Variants in NEO1 observed in about 807,000 individuals in gnomAD.
The protein encoded by NEO1 is neogenin 1.
In NEO1, 63 loss-of-function variants were observed where a neutral mutation model predicts 159.7. The ratio of observed to expected loss-of-function variants is 0.39; its 90% CI spans 0.32 to 0.49. The LOEUF is 0.49. NEO1 is among the 20% of genes least tolerant of loss of function. NEO1 has a pLI of 0.85. For missense variants in NEO1, 1,615 were observed against 1,831.0 expected, an observed-to-expected ratio of 0.88 and a Z score of 2.15; for synonymous variants, 633 against 662.0, an observed-to-expected ratio of 0.96 and a Z score of 0.67.
At chr15:73,072,175 T>G (rs1240730773) in intron 1 of NEO1, among the ~76,000 whole-genome samples, 3 of 152,114 alleles carry the variant, frequency 2.0e-5, no homozygotes, top group Admixed American at 1.3e-4. Flanking sequence ...GGTCTTGAAC[T>G]CCTGACCTCA....
At chr15:73,184,161 A>G (rs1382477768) in intron 7 of NEO1, among the ~76,000 whole-genome samples, 4 of 151,682 alleles carry the variant, frequency 2.6e-5, no homozygotes, top group African/African-American at 9.7e-5. Context: ...TAATTAATTA[A>G]TTAATTTTTT....
At chr15:73,129,720 A>T (rs989010536) in intron 4 of NEO1, among the ~76,000 whole-genome samples, 5 of 152,234 alleles carry the variant, frequency 3.3e-5, no homozygotes, top group African/African-American at 1.2e-4. Context: ...GGAATGATAG[A>T]TCTGAACCCC....
At chr15:73,228,403 T>C (rs2038713489) in intron 7 of NEO1, among the ~76,000 whole-genome samples, 1 of 152,118 alleles carries the variant, frequency 6.6e-6, no homozygotes, top group Admixed American at 6.5e-5. Context: ...TTGCCTTTTT[T>C]TTTTTAACTT....
intron 13 of NEO1, among the ~76,000 whole-genome samples, chr15:73,256,870 C>T (rs2040379357): frequency 6.6e-6 from 1 of 152,032 alleles, no homozygotes; most frequent in South Asian, 2.1e-4. Context: ...AGGCGGATTC[C>T]TTGAGCCCAA....
rs757162255 is a variant in NEO1 at position 73,178,307 on chromosome 15, A to G, written c.1171A>G (p.Lys391Glu). The change falls in exon 7 of 29, where the codon AAG becomes GAG. Residue 391 changes from lysine to glutamate, a missense_variant and splice_region_variant. Physicochemically the swap from Lys to Glu is moderately conservative, Grantham distance 56. This residue lies in a region of NEO1 where 1,018 missense variants were observed against 1,115.4 expected (regional missense o/e 0.91). Transcript: ENST00000261908. ...VIPSDYFKIV[K>E]EHNLQVLGLV... ...TTTTATTTATGCTTTTCTTCTTCAG[A>G]AGGAACATAATCTTCAAGTTTTGGG... 2.5e-6 allele frequency: 4 copies of G among 1,610,658 alleles called. No individual in the cohort carries two copies. The highest frequency in any genetic ancestry group is 2.5e-6 in the Non-Finnish European group (3 of 1,177,926).
chr15:73,198,294 T>C (rs754864326), intron 7 of NEO1, among the ~76,000 whole-genome samples: 2 of 152,208 alleles, frequency 1.3e-5, no homozygotes, highest in Non-Finnish European at 2.9e-5. Context: ...AACTATATTC[T>C]CTGGGCTATA....
intron 4 of NEO1, among the ~76,000 whole-genome samples, chr15:73,132,117 T>C (rs1017513400): frequency 6.6e-6 from 1 of 152,234 alleles, no homozygotes; most frequent in African/African-American, 2.4e-5. Flanking sequence ...GCACTGATTG[T>C]GTTTTTGCTC....
intron 1 of NEO1, among the ~76,000 whole-genome samples, chr15:73,086,954 C>G (rs1595941747): frequency 1.3e-5 from 2 of 152,210 alleles, no homozygotes; most frequent in Middle Eastern, 6.8e-3. Context: ...CCGCGCCTAG[C>G]CAGAAACAAT....
intron 13 of NEO1, among the ~76,000 whole-genome samples, 168 bp from the exon 14 acceptor site, chr15:73,258,598 A>G (rs1408224321): frequency 6.6e-6 from 1 of 152,040 alleles, no homozygotes; most frequent in Non-Finnish European, 1.5e-5. Flanking sequence ...GATGGAAGCT[A>G]CTCTATGTTG....
chr15:73,276,498 C>G (rs1417163729), intron 21 of NEO1, among the ~76,000 whole-genome samples: 1 of 152,150 alleles, frequency 6.6e-6, no homozygotes, highest in South Asian at 2.1e-4. Context: ...GTGTGTGTCA[C>G]TTGGGAGAAA....
chr15:73,266,340 C>T lies in NEO1; in HGVS notation c.2423C>T (p.Thr808Ile), dbSNP rs1220281192. The change falls in exon 16 of 29, where the codon ACC becomes ATC. Residue 808 changes from threonine (T) to isoleucine (I), a missense_variant. Coordinates refer to ENST00000261908, the MANE Select transcript of NEO1 (RefSeq NM_002499.4). ...NLDPSSHYVITLKAFNNVGEG... is the reference protein window; with the variant it reads ...NLDPSSHYVIILKAFNNVGEG... ...GATCCCAGCTCTCACTATGTGATTA[C>T]CCTGAAAGCATTTAATAACGTGGGT... 1.2e-6 allele frequency: 2 copies of T among 1,612,972 alleles called. No individual in the cohort carries two copies. The highest frequency in any genetic ancestry group is 3.3e-5 in the Admixed American group (2 of 59,922).
At chr15:73,155,221 G>A (rs779820910) in intron 5 of NEO1, among the ~76,000 whole-genome samples, 1 of 151,220 alleles carries the variant, frequency 6.6e-6, no homozygotes, top group Non-Finnish European at 1.5e-5. Flanking sequence ...TGGTGGTGGT[G>A]GTGGTGATAC....
intron 7 of NEO1, among the ~76,000 whole-genome samples, chr15:73,203,158 T>G (rs560546767): frequency 2.6e-5 from 4 of 152,306 alleles, no homozygotes; most frequent in African/African-American, 9.6e-5. Context: ...ATAATTCTAT[T>G]GTTACTTTTG....
chr15:73,135,518 A>G (rs2031649829), intron 4 of NEO1, among the ~76,000 whole-genome samples: 1 of 152,206 alleles, frequency 6.6e-6, no homozygotes, highest in Non-Finnish European at 1.5e-5. Context: ...TGGTGTAACT[A>G]ACTCTCAGAT....
chr15:73,284,397 C>G (rs2151101863), intron 23 of NEO1, among the ~76,000 whole-genome samples: 1 of 152,236 alleles, frequency 6.6e-6, no homozygotes, highest in Middle Eastern at 3.4e-3. Context: ...TAAGTACAGG[C>G]CACCCTGTAA....
chr15:73,129,875 A>T (rs1046732342), intron 4 of NEO1, among the ~76,000 whole-genome samples: 2 of 152,322 alleles, frequency 1.3e-5, no homozygotes, highest in East Asian at 3.9e-4. Flanking sequence ...TGCTAAATAC[A>T]CCTAAAAACC....
chr15:73,287,167 C>T (rs1337424584), intron 23 of NEO1, among the ~76,000 whole-genome samples: 4 of 152,162 alleles, frequency 2.6e-5, no homozygotes, highest in Non-Finnish European at 5.9e-5. Context: ...CTCAGGATTT[C>T]TTAAAATCCT....
intron 5 of NEO1, among the ~76,000 whole-genome samples, chr15:73,171,744 C>T (rs376644180): frequency 2.0e-5 from 3 of 151,572 alleles, no homozygotes; most frequent in East Asian, 3.9e-4. Flanking sequence ...TGGGTTCAAG[C>T]GATTCTCCGG....
chr15:73,278,777 C>T lies in NEO1; in HGVS notation c.3262+578C>T, dbSNP rs542298765. ...CAGATACCGTTATTCCCGTTTAATACATTCAGAAACTAAGTGGAGAAGTAA... is the reference window on the plus strand; with the variant it reads ...CAGATACCGTTATTCCCGTTTAATATATTCAGAAACTAAGTGGAGAAGTAA... On this transcript the variant is annotated intron_variant, in intron 22 of 28. Transcript: ENST00000261908. Among the ~76,000 whole-genome samples the T allele has an allele frequency of 3.9e-5, 6 of 152,304 alleles. No homozygotes were observed. The South Asian group carries it at 1.0e-3, about 26-fold the overall frequency.
Sources: allele counts gnomAD v4.1 joint callset (sites outside exome capture counted in the v4.1 genomes callset), GRCh38; gene constraint gnomAD v4.1.1; regional missense constraint gnomAD v4.1.1; transcripts MANE v1.5; gene names NCBI Gene and HGNC (gene_info 2026-07-23, HGNC 2026-07-21).